Variants in TMX4 observed in about 807,000 individuals in gnomAD.
TMX4 encodes the protein thioredoxin related transmembrane protein 4, also known as thioredoxin-related transmembrane protein 4.
Under a neutral mutation model 33.3 loss-of-function variants are expected in TMX4, and 23 were observed. The observed-to-expected ratio is 0.69, with a 90% CI of 0.50 to 0.98. The LOEUF (loss-of-function observed/expected upper bound fraction) is 0.98. Ranked by LOEUF, TMX4 falls within the 50% of genes least tolerant of loss-of-function variation. The pLI, the probability that TMX4 is intolerant of heterozygous loss-of-function variation, is 0.00. For synonymous variants in TMX4, 164 were observed against 161.5 expected, an observed-to-expected ratio of 1.02 and a Z score of -0.12; for missense variants, 399 against 448.9, an observed-to-expected ratio of 0.89 and a Z score of 1.01.
intron 6 of TMX4, among the ~76,000 whole-genome samples, chr20:7,986,164 G>C (rs1012594999): frequency 5.3e-5 from 8 of 152,138 alleles, no homozygotes; most frequent in African/African-American, 1.9e-4. Flanking sequence ...GAGCAATGGG[G>C]ACATGTTAAT....
intron 1 of TMX4, chr20:8,019,199 G>C: frequency 1.9e-6 from 1 of 517,476 alleles, no homozygotes; most frequent in Middle Eastern, 3.8e-4. Context: ...CGGCGCGAGC[G>C]GCCGGGCCCC....
Position 7,982,358 on chromosome 20 carries a change from C to G in TMX4, c.943G>C (p.Glu315Gln), listed in dbSNP as rs932701242. Residue 315 changes from glutamate (E) to glutamine (Q), a missense_variant, in exon 8 of 8, where the codon GAG (glutamate) becomes CAG (glutamine). Transcript: ENST00000246024. ...DGVTREEVEP[E>Q]EAEEGISEQP... ...TCAGAGATGCCTTCTTCAGCCTCCT[C>G]AGGCTCTACTTCCTCCCGGGTCACA... is the stretch of plus-strand genomic sequence containing the variant. The G allele has an allele frequency of 1.2e-6, 2 of 1,614,016 alleles. No individual in the cohort carries two copies. The highest frequency in any genetic ancestry group is 1.7e-6 in the Non-Finnish European group (2 of 1,180,032).
intron 1 of TMX4, among the ~76,000 whole-genome samples, chr20:8,017,177 A>T (rs2050779278): frequency 1.3e-5 from 2 of 152,296 alleles, no homozygotes; most frequent in South Asian, 4.1e-4. Context: ...ATAAGAACCA[A>T]AATATTTCTT....
intron 5 of TMX4, among the ~76,000 whole-genome samples, chr20:7,989,017 C>T (rs1318683122): frequency 6.8e-6 from 1 of 147,364 alleles, no homozygotes; most frequent in Non-Finnish European, 1.5e-5. Context: ...AAGACTCCGT[C>T]TCAAGAAAAA....
At chr20:8,011,258 G>C (rs923226647) in intron 1 of TMX4, among the ~76,000 whole-genome samples, 1 of 151,942 alleles carries the variant, frequency 6.6e-6, no homozygotes, top group African/African-American at 2.4e-5. Flanking sequence ...GAGGAAAGGG[G>C]CCAGGGGAGA....
chr20:8,001,398 A>G (rs554951089), intron 3 of TMX4, 98 bp downstream of exon 3: 8 of 1,236,724 alleles, frequency 6.5e-6, no homozygotes, highest in African/African-American at 6.0e-5. Context: ...TCACATGTTA[A>G]GCTGAATGAG....
rs1425332457 is a variant in TMX4, at chr20:7,982,406, G to T, written c.895C>A (p.Gln299Lys). ...VDEERSEAND[Q>K]GPPGEDGVTR... ...ACACCGTCCTCTCCTGGGGGCCCCT[G>T]ATCATTGGCCTCACTTCTCTCCTCA... The change falls in exon 8 of 8, where the codon CAG becomes AAG. Residue 299 changes from glutamine to lysine, a missense_variant. Gln to Lys is a moderately conservative substitution (Grantham distance 53). Transcript: ENST00000246024. 1 of 1,614,030 alleles carries T rather than the reference G, an allele frequency of 6.2e-7. No individual in the cohort carries two copies.
rs1019640049 is a variant in TMX4 at position 7,997,075 on chromosome 20, T to C, written c.468-1004A>G. On this transcript the variant is annotated intron_variant, in intron 4 of 7. Coordinates refer to ENST00000246024, the MANE Select transcript of TMX4 (RefSeq NM_021156.4). Reference sequence around the variant, plus strand: ...TCTTCTTGAACACTCATTTGGCTTCTGGAAAATGGCAGACCTTGGTTTTCA... The same window carrying C: ...TCTTCTTGAACACTCATTTGGCTTCCGGAAAATGGCAGACCTTGGTTTTCA... Among the ~76,000 whole-genome samples, 6 of 152,168 alleles carry C rather than the reference T, an allele frequency of 3.9e-5. No individual in the cohort carries two copies. In the South Asian group the frequency reaches 6.2e-4, roughly 16 times the overall value.
chr20:7,992,444 C>T (rs2050659179), intron 5 of TMX4, among the ~76,000 whole-genome samples: 1 of 152,212 alleles, frequency 6.6e-6, no homozygotes. Context: ...TGGAGATCAT[C>T]TACTCTTGTC....
chr20:7,981,429 T>A lies in TMX4; in HGVS notation c.*822A>T, dbSNP rs2050605640. The A allele has an allele frequency of 6.6e-6, 1 of 152,246 alleles. No individual in the cohort carries two copies. The allele number at this position is 152,246 out of a possible 1,614,324, so 9.4% of individuals were successfully genotyped here. A position where few individuals can be genotyped will look rare whatever the true frequency, so the allele number is the denominator to read the frequency against. On this transcript the variant is annotated 3_prime_UTR_variant, in exon 8 of 8. Coordinates refer to ENST00000246024, the MANE Select transcript of TMX4 (RefSeq NM_021156.4). ...CAACTATATTTTGGACAAAACAATT[T>A]TTTTTTAATCTGTCTTGTAAAATCC...
At chr20:8,009,861 T>TAAAAAAAAAAAAAAAAAAAAAAA (rs11289988) in intron 2 of TMX4, among the ~76,000 whole-genome samples, 1 of 84,606 alleles carries the variant, frequency 1.2e-5, no homozygotes, top group Non-Finnish European at 3.0e-5. Context: ...CAAAAAACTG[T>TAAAAAAAAAAAAAAAAAAAAAAA]AAAAAAAAAA....
At chr20:7,997,127 G>A (rs2050679751) in intron 4 of TMX4, among the ~76,000 whole-genome samples, 1 of 152,078 alleles carries the variant, frequency 6.6e-6, no homozygotes, top group African/African-American at 2.4e-5. Context: ...CTCATTTTCA[G>A]TTTCCTTTGG....
intron 2 of TMX4, among the ~76,000 whole-genome samples, chr20:8,004,697 CA>C (rs1294837972): frequency 2.7e-4 from 41 of 151,810 alleles, no homozygotes; most frequent in Admixed American, 2.7e-3. Context: ...TTTGATAAGC[CA>C]AAACACAACA....
intron 1 of TMX4, among the ~76,000 whole-genome samples, chr20:8,015,985 T>C (rs765555515): frequency 6.6e-6 from 1 of 152,180 alleles, no homozygotes; most frequent in Non-Finnish European, 1.5e-5. Flanking sequence ...CTATTTCTTC[T>C]GGGGGAAAAA....
chr20:8,019,151 A>T, intron 1 of TMX4: 1 of 471,736 alleles, frequency 2.1e-6, no homozygotes, highest in Non-Finnish European at 3.8e-6. Context: ...GACGCGCTGC[A>T]CCCTCGGCTG....
At chr20:8,019,233 CG>C (rs1203587423) in intron 1 of TMX4, 1 of 584,216 alleles carries the variant, frequency 1.7e-6, no homozygotes, top group African/African-American at 2.0e-5. Flanking sequence ...GTTGGTAAGG[CG>C]GGTCCGCGGA....
chr20:8,015,238 C>T (rs577606481), intron 1 of TMX4, among the ~76,000 whole-genome samples: 1 of 152,306 alleles, frequency 6.6e-6, no homozygotes, highest in South Asian at 2.1e-4. Flanking sequence ...CAAACATTCG[C>T]ATGTTTTTAA....
At chr20:8,007,599 C>G (rs1402674364) in intron 2 of TMX4, among the ~76,000 whole-genome samples, 1 of 152,146 alleles carries the variant, frequency 6.6e-6, no homozygotes, top group East Asian at 1.9e-4. Context: ...AGGGTGTGGT[C>G]CCTAGCTACT....
chr20:7,988,890 G>A (rs2050641705), intron 5 of TMX4, among the ~76,000 whole-genome samples: 1 of 152,090 alleles, frequency 6.6e-6, no homozygotes, highest in African/African-American at 2.4e-5. Flanking sequence ...GGGCGTAGTG[G>A]CAAGCGCCTA....
Sources: gnomAD v4.1 joint callset for allele counts (sites outside exome capture counted in the v4.1 genomes callset) on GRCh38, gnomAD v4.1.1 for gene constraint, MANE v1.5 for transcripts, NCBI Gene and HGNC (gene_info 2026-07-23, HGNC 2026-07-21) for gene names.